The following PDE10A variants were observed in gnomAD, a reference collection of about 807,000 sequenced individuals.
PDE10A encodes the protein phosphodiesterase 10A.
Under a neutral mutation model 97.7 loss-of-function variants are expected in PDE10A, and 39 were observed. The observed-to-expected ratio is 0.40, with a 90% CI of 0.31 to 0.52. PDE10A has a LOEUF of 0.52. PDE10A is among the 20% of genes least tolerant of loss of function. The probability of loss-of-function intolerance (pLI) is 0.56; values close to 1 mark genes in which losing one functional copy is unlikely to be tolerated. For missense variants in PDE10A, 731 were observed against 1,047.8 expected, an observed-to-expected ratio of 0.70 and a Z score of 4.17; for synonymous variants, 371 against 376.8, an observed-to-expected ratio of 0.98 and a Z score of 0.18.
At chr6:165,751,918 T>C (rs1250496667) in intron 1 of PDE10A, among the ~76,000 whole-genome samples, 1 of 151,636 alleles carries the variant, frequency 6.6e-6, no homozygotes, top group African/African-American at 2.4e-5. Flanking sequence ...GGCAGGTGGA[T>C]CACGAGATCA....
intron 2 of PDE10A, among the ~76,000 whole-genome samples, chr6:165,523,636 C>T (rs1343459118): frequency 1.3e-5 from 2 of 152,098 alleles, no homozygotes; most frequent in Non-Finnish European, 2.9e-5. Context: ...AGATTAAAGA[C>T]TTAAATATAG....
At chr6:165,462,609 G>A (rs776547670) in intron 3 of PDE10A, among the ~76,000 whole-genome samples, 39 of 152,146 alleles carry the variant, frequency 2.6e-4, no homozygotes, top group African/African-American at 7.5e-4. Flanking sequence ...CGAGACTGAC[G>A]CTGAGGAGGT....
chr6:165,844,646 T>C (rs1230944744), intron 1 of PDE10A, among the ~76,000 whole-genome samples: 1 of 152,212 alleles, frequency 6.6e-6, no homozygotes, highest in Non-Finnish European at 1.5e-5. Context: ...ATAGAAATAG[T>C]TTTTAAGCCT....
At chr6:165,758,225 C>G (rs2007438) in intron 1 of PDE10A, among the ~76,000 whole-genome samples, 109,841 of 152,180 alleles carry the variant, frequency 0.72, 40,680 homozygotes, top group Middle Eastern at 0.86. Flanking sequence ...CCAGCACTTT[C>G]GGAGGCTGAG....
intron 1 of PDE10A, among the ~76,000 whole-genome samples, chr6:165,727,600 A>T (rs554765051): frequency 1.3e-5 from 2 of 152,372 alleles, no homozygotes; most frequent in East Asian, 3.9e-4. Context: ...CTAAGGCTGA[A>T]GCCACCAGTG....
At chr6:165,933,617 G>T (rs1783217714) in intron 1 of PDE10A, among the ~76,000 whole-genome samples, 1 of 152,134 alleles carries the variant, frequency 6.6e-6, no homozygotes, top group South Asian at 2.1e-4. Flanking sequence ...ATAATGAAAG[G>T]CATTCCCCCT....
chr6:165,837,970 C>T (rs928810451), intron 1 of PDE10A, among the ~76,000 whole-genome samples: 3 of 152,154 alleles, frequency 2.0e-5, no homozygotes, highest in Admixed American at 2.0e-4. Context: ...CAGGCGTGAG[C>T]CACCTATATC....
chr6:165,771,590 A>G (rs1426382062), intron 1 of PDE10A, among the ~76,000 whole-genome samples: 2 of 150,652 alleles, frequency 1.3e-5, no homozygotes, highest in Non-Finnish European at 3.0e-5. Flanking sequence ...ATTTGCAAAA[A>G]TGGCCAGAAA....
chr6:165,916,966 A>G (rs1782623004), intron 1 of PDE10A, among the ~76,000 whole-genome samples: 1 of 152,090 alleles, frequency 6.6e-6, no homozygotes, highest in Non-Finnish European at 1.5e-5. Flanking sequence ...AGAATACCCA[A>G]TGAAAATGGC....
intron 1 of PDE10A, among the ~76,000 whole-genome samples, chr6:165,831,478 C>CTTTTTTTTTTTTT (rs200237321): frequency 1.5e-5 from 2 of 133,834 alleles, no homozygotes; most frequent in African/African-American, 2.9e-5. Context: ...TTGCAGGAGT[C>CTTTTTTTTTTTTT]TTTTTTTTTT....
intron 3 of PDE10A, among the ~76,000 whole-genome samples, chr6:165,470,572 G>A (rs1778932294): frequency 6.6e-6 from 1 of 152,310 alleles, no homozygotes; most frequent in East Asian, 1.9e-4. Context: ...CTCATTCATA[G>A]AAAAGTATTA....
chr6:165,665,867 T>C (rs1157906836), upstream of PDE10A, among the ~76,000 whole-genome samples: 1 of 152,254 alleles, frequency 6.6e-6, no homozygotes, highest in Non-Finnish European at 1.5e-5. Flanking sequence ...TATACAACCA[T>C]AAGTATATTT....
chr6:165,895,897 C>T (rs1781930796), intron 1 of PDE10A, among the ~76,000 whole-genome samples: 1 of 152,200 alleles, frequency 6.6e-6, no homozygotes, highest in Non-Finnish European at 1.5e-5. Flanking sequence ...GACACACAAG[C>T]AGATTGCACA....
chr6:165,825,163 GAAAA>G (rs1779696888), intron 1 of PDE10A, among the ~76,000 whole-genome samples: 1 of 58,404 alleles, frequency 1.7e-5, no homozygotes, highest in African/African-American at 4.9e-5. Context: ...AAAAAAAAAA[GAAAA>G]AGAAAAAAAA....
At chr6:165,498,913 A>C (rs1034611960) in intron 2 of PDE10A, among the ~76,000 whole-genome samples, 10 of 152,212 alleles carry the variant, frequency 6.6e-5, no homozygotes, top group African/African-American at 2.4e-4. Context: ...TTAAAATAGC[A>C]GCTCTATTAT....
At chr6:165,433,402 TA>T (rs1245731936) in intron 6 of PDE10A, among the ~76,000 whole-genome samples, 1 of 151,442 alleles carries the variant, frequency 6.6e-6, no homozygotes, top group African/African-American at 2.5e-5. Flanking sequence ...CATATGACAA[TA>T]AAAAAAGTAA....
chr6:165,670,517 G>A (rs1015455149), intron 1 of PDE10A, among the ~76,000 whole-genome samples: 3 of 152,266 alleles, frequency 2.0e-5, no homozygotes, highest in Non-Finnish European at 4.4e-5. Context: ...ATTAACGTGT[G>A]CATTCTGAGC....
At position 165,855,309 on chromosome 6, in the gene PDE10A, G is replaced by C. The variant is rs1014858321; in HGVS notation, c.-615+132220C>G. Among the ~76,000 whole-genome samples the C allele has an allele frequency of 1.1e-3, 154 of 142,826 alleles. 5 individuals are homozygous for C. The highest frequency in any genetic ancestry group is 1.0e-3 in the Non-Finnish European group (66 of 65,908). The allele number at this position is 142,826 out of a possible 152,430, so 93.7% of individuals were successfully genotyped here. A position where few individuals can be genotyped will look rare whatever the true frequency, so the allele number is the denominator to read the frequency against. On this transcript the variant is annotated intron_variant, in intron 1 of 19. Coordinates refer to the PDE10A transcript ENST00000366882. ...CATAGGCGGCGCGGGAAGTGGCGGG[G>C]GGGGGGGGGGACTCAGGGGCGCTGC...
chr6:165,413,188 T>C (rs1456690814), intron 13 of PDE10A, among the ~76,000 whole-genome samples: 2 of 152,178 alleles, frequency 1.3e-5, no homozygotes, highest in Non-Finnish European at 2.9e-5. Flanking sequence ...TAGGTAGCAT[T>C]TTCTTTCTTC....
Sources: gnomAD v4.1 joint callset for allele counts (sites outside exome capture counted in the v4.1 genomes callset) on GRCh38, gnomAD v4.1.1 for gene constraint, MANE v1.5 for transcripts, NCBI Gene and HGNC (gene_info 2026-07-23, HGNC 2026-07-21) for gene names.